The following EIF3A variants were observed in gnomAD, a reference collection of about 807,000 sequenced individuals.
EIF3A encodes EIF3, p180 subunit.
Under a neutral mutation model 186.6 loss-of-function variants are expected in EIF3A, and 21 were observed. The ratio of observed to expected loss-of-function variants is 0.11; its 90% CI spans 0.08 to 0.16. The LOEUF (loss-of-function observed/expected upper bound fraction) is 0.16. EIF3A is among the 10% of genes least tolerant of loss of function. The pLI is 1.00. For synonymous variants in EIF3A, 563 were observed against 584.3 expected (o/e 0.96, Z 0.52); for missense variants, 1,306 against 1,796.3 (o/e 0.73, Z 4.93).
intron 7 of EIF3A, among the ~76,000 whole-genome samples, chr10:119,063,795 C>T (rs1033003823): frequency 3.3e-5 from 5 of 152,088 alleles, no homozygotes; most frequent in African/African-American, 1.2e-4. Flanking sequence ...TAAAAAGATA[C>T]ACAAATCTGG....
At chr10:119,043,462 A>G (rs916205231) in intron 18 of EIF3A, among the ~76,000 whole-genome samples, 1 of 150,828 alleles carries the variant, frequency 6.6e-6, no homozygotes. Flanking sequence ...CAAACAAACA[A>G]AATTAACCAG....
At chr10:119,060,150 T>G (rs748368147) in intron 9 of EIF3A, 2 of 497,718 alleles carry the variant, frequency 4.0e-6, no homozygotes, top group Admixed American at 2.3e-5. Context: ...AATACTGAGA[T>G]GAAAATATAA....
At chr10:119,049,419 C>T (rs1848324776) in intron 17 of EIF3A, among the ~76,000 whole-genome samples, 1 of 141,074 alleles carries the variant, frequency 7.1e-6, no homozygotes, top group Non-Finnish European at 1.5e-5. Context: ...ACCTGGGAGG[C>T]AGAGATTGCA....
rs1290975492 is a variant in EIF3A at position 119,051,459 on chromosome 10, C to T, written c.2197-138G>A. On this transcript the variant is annotated intron_variant, in intron 14 of 21. Coordinates refer to ENST00000369144, the MANE Select transcript of EIF3A (RefSeq NM_003750.4). ...CATGCCATAAAAATGAAAACGTTAA[C>T]TACATCCATGTCAATAGGTCCCCAG... The T allele has an allele frequency of 7.2e-6, 6 of 835,038 alleles. No homozygotes were observed. In the Admixed American group the frequency reaches 1.3e-4, roughly 18 times the overall value. 51.7% of individuals were successfully genotyped at this position (835,038 alleles called of 1,614,324 possible).
chr10:119,078,649 A>G (rs1844212563), intron 1 of EIF3A, among the ~76,000 whole-genome samples: 2 of 152,196 alleles, frequency 1.3e-5, no homozygotes, highest in South Asian at 4.1e-4. Flanking sequence ...AACAGCTTCA[A>G]AGGGCTGCAA....
At chr10:119,050,823 G>T in intron 15 of EIF3A, 149 bp from the exon 16 acceptor site, 1 of 849,722 alleles carries the variant, frequency 1.2e-6, no homozygotes. Flanking sequence ...ACTTCCAAAT[G>T]ACCATTAACT....
intron 3 of EIF3A, 47 bp downstream of exon 3, chr10:119,073,394 C>T (rs1265302562): frequency 2.1e-6 from 3 of 1,415,770 alleles, no homozygotes; most frequent in African/African-American, 1.4e-5. Flanking sequence ...TAAAAGAAAA[C>T]ACCAAGTTAA....
intron 17 of EIF3A, among the ~76,000 whole-genome samples, chr10:119,044,587 G>T (rs1319757334): frequency 1.3e-5 from 2 of 152,330 alleles, no homozygotes; most frequent in African/African-American, 4.8e-5. Context: ...GGTGGCTCAC[G>T]CCTGTAATCC....
At chr10:119,067,507 T>C (rs1844000444) in intron 6 of EIF3A, among the ~76,000 whole-genome samples, 2 of 152,228 alleles carry the variant, frequency 1.3e-5, no homozygotes, top group South Asian at 4.2e-4. Context: ...GGAAGAATAG[T>C]CTGAGCCCAG....
intron 17 of EIF3A, among the ~76,000 whole-genome samples, chr10:119,046,791 C>G (rs1412096789): frequency 6.6e-6 from 1 of 150,992 alleles, no homozygotes; most frequent in African/African-American, 2.4e-5. Flanking sequence ...AAATTCATCT[C>G]TACTAAAAAT....
intron 6 of EIF3A, among the ~76,000 whole-genome samples, chr10:119,067,643 GAGAA>G (rs1171064044): frequency 1.2e-4 from 19 of 152,234 alleles, no homozygotes; most frequent in African/African-American, 4.1e-4. Flanking sequence ...GAACAAAGAA[GAGAA>G]AGAAAGAAAA....
At chr10:119,036,328 T>C in intron 21 of EIF3A, 60 bp from the exon 22 acceptor site, 2 of 1,115,608 alleles carry the variant, frequency 1.8e-6, no homozygotes, top group Non-Finnish European at 2.6e-6. Context: ...TGGCTCAAAT[T>C]ACTCAAAATT....
At position 119,037,116 on chromosome 10, in the gene EIF3A, T is replaced by TA; in HGVS notation, c.3919+2dup. On this transcript the variant is annotated splice_region_variant and intron_variant, in intron 21 of 21. Coordinates refer to ENST00000369144, the MANE Select transcript of EIF3A (RefSeq NM_003750.4). ...ATACTTCAGTTGTATGTAACCTCTA[T>TA]ACCTTCTTCACGTTCTGATCTGAGT... 4.4e-6 allele frequency: 6 copies of TA among 1,376,262 alleles called. No homozygotes were observed. The highest frequency in any genetic ancestry group is 5.9e-6 in the Non-Finnish European group (6 of 1,023,470). The allele number at this position is 1,376,262 out of a possible 1,614,324, so 85.3% of individuals were successfully genotyped here.
At position 119,049,821 on chromosome 10, in the gene EIF3A, C is replaced by T. The variant is rs1440173236; in HGVS notation, c.2638G>A (p.Asp880Asn). ...RRREEERRLG[D>N]SSLSRKDSRW... ...CTCACCTTTCTAGAAAGGGAACTAT[C>T]GCCAAGTCTTCTCTCTTCCTCTCTA... The change falls in exon 17 of 22, where the codon GAT becomes AAT. Residue 880 changes from aspartate (D) to asparagine (N), a missense_variant. Physicochemically the swap from Asp to Asn is conservative, Grantham distance 23 (BLOSUM62 1). Coordinates refer to ENST00000369144, the MANE Select transcript of EIF3A (RefSeq NM_003750.4). The T allele has an allele frequency of 1.2e-6, 2 of 1,614,010 alleles. No homozygotes were observed. Among genetic ancestry groups the T allele is most frequent in the Non-Finnish European group, 1.7e-6 (2 of 1,179,918 alleles).
At position 119,056,931 on chromosome 10, in the gene EIF3A, T is replaced by C. The variant is rs1564754135; in HGVS notation, c.2082+5A>G. ...TGTTAAAGGTTTACCAACCCTTTCA[T>C]TTACCTTCTTTTCTTGATTCTTTAG... is the stretch of plus-strand genomic sequence containing the variant. On this transcript the variant is annotated splice_donor_5th_base_variant and intron_variant, in intron 13 of 21. Transcript: ENST00000369144. 1.9e-6 allele frequency: 3 copies of C among 1,604,474 alleles called. No individual in the cohort carries two copies. Among genetic ancestry groups the C allele is most frequent in the African/African-American group, 2.7e-5 (2 of 74,586 alleles).
In EIF3A at chr10:119,056,799, C is replaced by T. The variant is rs779486167; in HGVS notation, c.2137G>A (p.Ala713Thr). 22 of 1,613,636 alleles carry T rather than the reference C, an allele frequency of 1.4e-5. No individual in the cohort carries two copies. The highest frequency in any genetic ancestry group is 6.7e-5 in the Admixed American group (4 of 59,986). Residue 713 changes from alanine (A) to threonine (T), a missense_variant, in exon 14 of 22, where the codon GCT becomes ACT. Coordinates refer to ENST00000369144, the MANE Select transcript of EIF3A (RefSeq NM_003750.4). Reference protein sequence around the residue: ...RLEEIPLIKSAYEEQRIKDMD... With the variant: ...RLEEIPLIKSTYEEQRIKDMD... The stretch of plus-strand genomic sequence containing the variant: ...TCTTTAATTCTCTGTTCCTCGTAAG[C>T]GCTCTTTATCAAAGGAATTTCTTCC...
intron 8 of EIF3A, 91 bp downstream of exon 8, chr10:119,061,133 A>C: frequency 4.4e-6 from 3 of 680,024 alleles, no homozygotes; most frequent in Non-Finnish European, 7.4e-6. Flanking sequence ...ACATAGGACA[A>C]AACTTCTCTC....
intron 19 of EIF3A, among the ~76,000 whole-genome samples, chr10:119,041,006 A>C (rs1407153933): frequency 8.9e-5 from 1 of 11,198 alleles, no homozygotes; most frequent in Non-Finnish European, 3.8e-4. Context: ...CTCCGTCTCC[A>C]AAAAAAAAAA....
intron 17 of EIF3A, among the ~76,000 whole-genome samples, chr10:119,045,956 T>A (rs2119818119): frequency 6.6e-6 from 1 of 151,966 alleles, no homozygotes; most frequent in Middle Eastern, 3.4e-3. Flanking sequence ...AACAAAGAGA[T>A]GAAGAGAGTA....
Sources: gnomAD v4.1 joint callset for allele counts (sites outside exome capture counted in the v4.1 genomes callset) on GRCh38, gnomAD v4.1.1 for gene constraint, MANE v1.5 for transcripts, NCBI Gene and HGNC (gene_info 2026-07-23, HGNC 2026-07-21) for gene names.